CPEB2: variants seen among roughly 807,000 people sequenced by gnomAD.
The protein encoded by CPEB2 is cytoplasmic polyadenylation element binding protein 2.
Under a neutral mutation model 93.6 loss-of-function variants are expected in CPEB2, and 56 were observed. The ratio of observed to expected loss-of-function variants is 0.60; its 90% CI spans 0.48 to 0.75. The LOEUF (loss-of-function observed/expected upper bound fraction) is 0.75, where lower values mean the gene tolerates loss of function less well. Among genes scored for constraint, CPEB2 ranks in the 30% least tolerant of loss-of-function variants. CPEB2 has a pLI of 0.00. For synonymous variants in CPEB2, 764 were observed against 586.3 expected (o/e 1.30, Z -4.38); for missense variants, 1,579 against 1,395.1 (o/e 1.13, Z -2.10).
At position 15,050,051 on chromosome 4, in the gene CPEB2, G is replaced by A. The variant is rs984068472; in HGVS notation, c.2201-2363G>A. Among the ~76,000 whole-genome samples, 6 of 152,234 alleles carry A rather than the reference G, an allele frequency of 3.9e-5. No individual in the cohort carries two copies. The East Asian group carries it at 5.8e-4, about 15-fold the overall frequency. On this transcript the variant is annotated intron_variant, in intron 6 of 11. Transcript: ENST00000538197. ...ACAAATACCCAACATAAAACGGTCC[G>A]GTCCGTGGCCTGTTTGTTTAATATA...
At chr4:15,014,345 A>G (rs1723848245) in intron 3 of CPEB2, among the ~76,000 whole-genome samples, 1 of 152,084 alleles carries the variant, frequency 6.6e-6, no homozygotes, top group Non-Finnish European at 1.5e-5. Flanking sequence ...AAGTATTTAC[A>G]GTATACTCTT....
intron 3 of CPEB2, among the ~76,000 whole-genome samples, chr4:15,013,549 C>T (rs1397830386): frequency 6.6e-6 from 1 of 151,916 alleles, no homozygotes; most frequent in East Asian, 1.9e-4. Flanking sequence ...ACAATTTTTC[C>T]TAATGTCTGT....
chr4:15,058,187 A>C (rs1728881072), intron 8 of CPEB2, among the ~76,000 whole-genome samples: 1 of 152,200 alleles, frequency 6.6e-6, no homozygotes, highest in African/African-American at 2.4e-5. Flanking sequence ...ATGTAAGTTA[A>C]TACAGTATCT....
intron 6 of CPEB2, among the ~76,000 whole-genome samples, chr4:15,041,338 T>C (rs995562014): frequency 1.3e-5 from 2 of 152,182 alleles, no homozygotes; most frequent in South Asian, 2.1e-4. Context: ...AAAAGAGTTT[T>C]CTTTGACCTC....
In CPEB2 at chr4:15,069,739, T is replaced by TAATA. The variant is rs1729953730; in HGVS notation, c.*3360_*3363dup. On this transcript the variant is annotated 3_prime_UTR_variant, in exon 12 of 12. Transcript: ENST00000538197. ...ATTATTTTTGGAGCTGAAATCTTTG[T>TAATA]AATATTAAAGCAACTAGTTTCTAAT... 6.6e-6 allele frequency: 1 copy of TAATA among 152,278 alleles called. No homozygotes were observed. The highest frequency in any genetic ancestry group is 2.1e-4 in the South Asian group (1 of 4,830). 9.4% of individuals were successfully genotyped at this position (152,278 alleles called of 1,614,324 possible).
At position 15,003,180 on chromosome 4, in the gene CPEB2, G is replaced by A. The variant is rs1722216919; in HGVS notation, c.507G>A (p.Arg169=). ...CCTCCCCGCAGGACTTCAGTAAGCG[G>A]CAGCAGCAGCAGCTGAGCAGCCAGA... ...RTSSPQDFSK[R]QQQQLSSQKR... The change falls in exon 1 of 12, where the codon CGG becomes CGA. Residue 169 remains arginine (R), a synonymous_variant. Coordinates refer to ENST00000538197, the MANE Select transcript of CPEB2 (RefSeq NM_001177382.2). 6.6e-7 allele frequency: 1 copy of A among 1,525,928 alleles called. No individual in the cohort carries two copies. Among genetic ancestry groups the A allele is most frequent in the South Asian group, 1.2e-5 (1 of 83,378 alleles). The allele number at this position is 1,525,928 out of a possible 1,614,324, so 94.5% of individuals were successfully genotyped here.
chr4:15,033,755 G>A lies in CPEB2; in HGVS notation c.2176+544G>A, dbSNP rs183855431. On this transcript the variant is annotated intron_variant, in intron 5 of 11. Coordinates refer to ENST00000538197, the MANE Select transcript of CPEB2 (RefSeq NM_001177382.2). ...TTTCATTAAAGTTAGTTTTCTTTCT[G>A]TTAGACAAACATTAACATATTCAGA... 3.3e-3 allele frequency among the ~76,000 whole-genome samples: 508 copies of A among 152,286 alleles called. 7 individuals are homozygous for A. The highest frequency in any genetic ancestry group is 0.011 in the African/African-American group (473 of 41,538).
chr4:15,004,080 G>T lies in CPEB2; in HGVS notation c.1407G>T (p.Ser469=), dbSNP rs1408331265. The change falls in exon 1 of 12, where the codon TCG becomes TCT. Residue 469 remains serine, a synonymous_variant. Coordinates refer to ENST00000538197, the MANE Select transcript of CPEB2 (RefSeq NM_001177382.2). ...TCTTCCCTAGCTTCTCGCCCGTGTC[G>T]CCGCACGGCTGCACTGGGCTCAGCG... The part of the protein sequence containing the change: ...PAFFPSFSPV[S]PHGCTGLSVP... The T allele has an allele frequency of 6.4e-7, 1 of 1,564,208 alleles. No homozygotes were observed.
intron 4 of CPEB2, among the ~76,000 whole-genome samples, chr4:15,028,857 A>G (rs1725763823): frequency 6.6e-6 from 1 of 152,190 alleles, no homozygotes; most frequent in East Asian, 1.9e-4. Context: ...TTCCAAATGT[A>G]ATCTGGTAAT....
At chr4:15,045,450 G>A (rs1010081487) in intron 6 of CPEB2, among the ~76,000 whole-genome samples, 1 of 152,040 alleles carries the variant, frequency 6.6e-6, no homozygotes, top group African/African-American at 2.4e-5. Flanking sequence ...TTAGACTCAT[G>A]GGAGTAGCAT....
chr4:15,029,957 G>A (rs1725907912), intron 4 of CPEB2, among the ~76,000 whole-genome samples: 1 of 152,016 alleles, frequency 6.6e-6, no homozygotes, highest in Admixed American at 6.6e-5. Context: ...CTTACATGCA[G>A]GGGTACACTT....
At chr4:15,024,256 C>T (rs1237984599) in intron 4 of CPEB2, among the ~76,000 whole-genome samples, 2 of 151,972 alleles carry the variant, frequency 1.3e-5, no homozygotes, top group Admixed American at 1.3e-4. Flanking sequence ...ATCCCCATGT[C>T]CTTTCTTTAA....
chr4:15,003,036 C>T lies in CPEB2; in HGVS notation c.363C>T (p.His121=), dbSNP rs1176877345. The T allele has an allele frequency of 8.6e-6, 13 of 1,508,722 alleles. No homozygotes were observed. The highest frequency in any genetic ancestry group is 1.1e-5 in the Non-Finnish European group (13 of 1,138,058). 93.5% of individuals were successfully genotyped at this position (1,508,722 alleles called of 1,614,324 possible). ...GAAATEKLPD[H]HPGGGTIAGV... ...CGGCCACGGAGAAACTCCCCGACCA[C>T]CACCCCGGCGGCGGCACGATCGCGG... The change falls in exon 1 of 12, where the codon CAC becomes CAT. Residue 121 remains histidine, a synonymous_variant. Coordinates refer to ENST00000538197, the MANE Select transcript of CPEB2 (RefSeq NM_001177382.2).
At chr4:15,035,183 G>A (rs1726487332) in intron 5 of CPEB2, among the ~76,000 whole-genome samples, 1 of 151,550 alleles carries the variant, frequency 6.6e-6, no homozygotes, top group Non-Finnish European at 1.5e-5. Flanking sequence ...TCAGTGTTTA[G>A]TAATAAATTT....
At chr4:15,032,120 C>T (rs1726178685) in intron 4 of CPEB2, among the ~76,000 whole-genome samples, 1 of 152,094 alleles carries the variant, frequency 6.6e-6, no homozygotes, top group African/African-American at 2.4e-5. Flanking sequence ...TGTTGAGAGA[C>T]AGGGTCTTGC....
intron 4 of CPEB2, 42 bp downstream of exon 4, chr4:15,017,320 C>G: frequency 9.8e-7 from 1 of 1,021,628 alleles, no homozygotes; most frequent in Non-Finnish European, 1.5e-6. Context: ...TATTATACAC[C>G]AATTTGCTTA....
intron 1 of CPEB2, among the ~76,000 whole-genome samples, chr4:15,005,644 A>C (rs1185412310): frequency 6.6e-6 from 1 of 152,218 alleles, no homozygotes; most frequent in Non-Finnish European, 1.5e-5. Context: ...TCAGTTGACC[A>C]AAGTTTTCAA....
intron 5 of CPEB2, 21 bp from the exon 6 acceptor site, chr4:15,040,443 T>C: frequency 6.5e-7 from 1 of 1,535,244 alleles, no homozygotes; most frequent in Non-Finnish European, 8.7e-7. Flanking sequence ...ATTTTACAAT[T>C]TGTGCTTTGT....
chr4:15,051,618 C>T (rs1015902046), intron 6 of CPEB2, among the ~76,000 whole-genome samples: 1 of 152,186 alleles, frequency 6.6e-6, no homozygotes, highest in Non-Finnish European at 1.5e-5. Flanking sequence ...TTATTTGACT[C>T]CTTTCCTCCA....
Sources: allele counts gnomAD v4.1 joint callset (sites outside exome capture counted in the v4.1 genomes callset), GRCh38; gene constraint gnomAD v4.1.1; transcripts MANE v1.5; gene names NCBI Gene and HGNC (gene_info 2026-07-23, HGNC 2026-07-21).